The following TRDN variants were observed in gnomAD, a reference collection of about 807,000 sequenced individuals.
TRDN encodes triadin in skeletal muscle.
A neutral mutation model predicts 149.7 loss-of-function variants in TRDN; 161 were observed. The ratio of observed to expected loss-of-function variants is 1.08; its 90% CI spans 0.95 to 1.23. The LOEUF (loss-of-function observed/expected upper bound fraction) is 1.23, where lower values mean the gene tolerates loss of function less well. TRDN is among the 50% of genes most tolerant of loss of function. TRDN has a pLI of 0.00. For synonymous variants in TRDN, 294 were observed against 250.5 expected, an observed-to-expected ratio of 1.17 and a Z score of -1.64; for missense variants, 896 against 823.5, an observed-to-expected ratio of 1.09 and a Z score of -1.08.
At chr6:123,487,956 A>G (rs552050131) in intron 9 of TRDN, among the ~76,000 whole-genome samples, 1 of 152,130 alleles carries the variant, frequency 6.6e-6, no homozygotes, top group South Asian at 2.1e-4. Context: ...CTAATGCCTA[A>G]GTCTAAACTT....
intron 12 of TRDN, among the ~76,000 whole-genome samples, chr6:123,417,797 C>T (rs1319979772): frequency 6.6e-6 from 1 of 152,166 alleles, no homozygotes; most frequent in East Asian, 1.9e-4. Flanking sequence ...TTTCTCATAT[C>T]ACAGTATTTG....
chr6:123,579,157 G>A (rs1782999055), intron 1 of TRDN, among the ~76,000 whole-genome samples: 1 of 151,756 alleles, frequency 6.6e-6, no homozygotes, highest in Admixed American at 6.6e-5. Context: ...CTCTTGCCTG[G>A]ACAGGATTAC....
At chr6:123,259,938 C>CTCCTCT (rs1776704799) in intron 34 of TRDN, among the ~76,000 whole-genome samples, 2 of 151,392 alleles carry the variant, frequency 1.3e-5, no homozygotes. Flanking sequence ...TTTTTTCCTC[C>CTCCTCT]TCCTCTTCCT....
intron 26 of TRDN, among the ~76,000 whole-genome samples, chr6:123,276,583 G>T (rs1777375872): frequency 6.6e-6 from 1 of 152,122 alleles, no homozygotes; most frequent in African/African-American, 2.4e-5. Context: ...GTGTGCCATG[G>T]AGATAGAGCC....
At chr6:123,356,495 C>T in intron 20 of TRDN, among the ~76,000 whole-genome samples, 1 of 124,234 alleles carries the variant, frequency 8.0e-6, no homozygotes, top group Non-Finnish European at 1.7e-5. Flanking sequence ...TCTAGGTTTA[C>T]AAGAAGTTTA....
At chr6:123,503,296 C>T (rs1441280023) in intron 8 of TRDN, 1 of 985,296 alleles carries the variant, frequency 1.0e-6, no homozygotes, top group African/African-American at 1.7e-5. Flanking sequence ...ATGATATTTA[C>T]TCTATATGAT....
chr6:123,258,496 T>C (rs934643301), intron 35 of TRDN, among the ~76,000 whole-genome samples: 1 of 152,174 alleles, frequency 6.6e-6, no homozygotes, highest in Admixed American at 6.6e-5. Context: ...GACTTGATTG[T>C]GGTGGATAAG....
In TRDN at chr6:123,260,179, T is replaced by TA. The variant is rs1186274613; in HGVS notation, c.1831+432dup. 1.3e-4 allele frequency among the ~76,000 whole-genome samples: 20 copies of TA among 151,626 alleles called. No homozygotes were observed. The Admixed American group carries it at 1.3e-3, about 10-fold the overall frequency. On this transcript the variant is annotated intron_variant, in intron 34 of 40. Coordinates refer to ENST00000334268, the MANE Select transcript of TRDN (RefSeq NM_006073.4). Reference sequence around the variant, plus strand: ...GTTAACAAGTTTAAACTAGAAACAATAGGAAAAAAAACTACATGTTACATT... The same window carrying TA: ...GTTAACAAGTTTAAACTAGAAACAATAAGGAAAAAAAACTACATGTTACATT...
chr6:123,422,262 A>T (rs886393092), intron 12 of TRDN, among the ~76,000 whole-genome samples: 4 of 152,050 alleles, frequency 2.6e-5, no homozygotes, highest in African/African-American at 9.7e-5. Context: ...CACACATCTA[A>T]CATGTTACCC....
At chr6:123,498,684 T>G (rs1310115214) in intron 8 of TRDN, 1 of 457,624 alleles carries the variant, frequency 2.2e-6, no homozygotes. Context: ...GTAGAAGGTA[T>G]TTTCTCTTTT....
intron 9 of TRDN, chr6:123,469,722 AC>A (rs1360272654): frequency 6.5e-6 from 1 of 154,048 alleles, no homozygotes; most frequent in Non-Finnish European, 1.4e-5. Context: ...AAAAACAAAG[AC>A]AGAGCCAGTG....
chr6:123,547,342 T>G lies in TRDN; in HGVS notation c.422A>C (p.Lys141Thr). 8 of 1,461,826 alleles carry G rather than the reference T, an allele frequency of 5.5e-6. No individual in the cohort carries two copies. The highest frequency in any genetic ancestry group is 7.3e-6 in the Non-Finnish European group (8 of 1,100,810). 90.6% of individuals were successfully genotyped at this position (1,461,826 alleles called of 1,614,324 possible). The change falls in exon 4 of 41, where the codon AAA becomes ACA. Residue 141 changes from lysine (K) to threonine (T), a missense_variant and splice_region_variant. Transcript: ENST00000334268. ...GEIDEPPLRKKEIHKDKTEKQ... is the reference protein window; with the variant it reads ...GEIDEPPLRKTEIHKDKTEKQ... Reference sequence around the variant, plus strand: ...TATCAAAGGTGAAAACAACTAACCTTTTTTTCTCAAGGGAGGCTCATCTAT... The same window carrying G: ...TATCAAAGGTGAAAACAACTAACCTGTTTTTCTCAAGGGAGGCTCATCTAT...
intron 38 of TRDN, among the ~76,000 whole-genome samples, chr6:123,244,688 A>G (rs1183019628): frequency 1.3e-5 from 2 of 152,108 alleles, no homozygotes; most frequent in Non-Finnish European, 2.9e-5. Flanking sequence ...ATTATCCAGG[A>G]GAACTTCCCC....
chr6:123,447,909 CGA>C (rs1389791766), intron 10 of TRDN, among the ~76,000 whole-genome samples: 2 of 152,102 alleles, frequency 1.3e-5, no homozygotes, highest in African/African-American at 2.4e-5. Context: ...CCTCAAATAC[CGA>C]GAGTGCCCCA....
At chr6:123,280,381 C>G (rs984422712) in intron 24 of TRDN, among the ~76,000 whole-genome samples, 1 of 152,088 alleles carries the variant, frequency 6.6e-6, no homozygotes, top group Non-Finnish European at 1.5e-5. Flanking sequence ...CAACTTTGTT[C>G]TTTGTCTTCG....
chr6:123,570,458 T>C (rs996826436), intron 2 of TRDN, among the ~76,000 whole-genome samples: 49 of 152,044 alleles, frequency 3.2e-4, no homozygotes, highest in African/African-American at 1.1e-3. Flanking sequence ...AAGCAAAGAG[T>C]TTGTCTGGCA....
chr6:123,468,208 A>C (rs1776946514), intron 9 of TRDN, among the ~76,000 whole-genome samples: 2 of 152,198 alleles, frequency 1.3e-5, no homozygotes, highest in African/African-American at 4.8e-5. Flanking sequence ...GAGGCTTATA[A>C]TTTTATTAGG....
intron 7 of TRDN, among the ~76,000 whole-genome samples, chr6:123,511,994 T>TTA (rs1181863439): frequency 6.6e-6 from 1 of 151,380 alleles, no homozygotes; most frequent in Admixed American, 6.6e-5. Context: ...CTGCAATTTT[T>TTA]TTTTTTTTTT....
rs1562267979 is a variant in TRDN at position 123,337,664 on chromosome 6, T to A, written c.1375A>T (p.Arg459Ter). Residue 459 changes from arginine (R) to a stop codon, truncating the protein, a stop_gained, in exon 22 of 41, where the codon AGA (arginine) becomes TGA (stop). Transcript: ENST00000334268. LOFTEE classifies it high-confidence loss of function. ...GAAGTCTTCCCAGATTTTTCTTTTC[T>A]AATTTCTGCAAGAGAGATCATGGGA... ...KTTKTVEQEI[R>*]KEKSGKTSSI... The A allele has an allele frequency of 6.8e-7, 1 of 1,460,306 alleles. No individual in the cohort carries two copies. Among genetic ancestry groups the A allele is most frequent in the Non-Finnish European group, 9.2e-7 (1 of 1,089,436 alleles). 90.5% of individuals were successfully genotyped at this position (1,460,306 alleles called of 1,614,324 possible). A position where few individuals can be genotyped will look rare whatever the true frequency, so the allele number is the denominator to read the frequency against.
Sources: gnomAD v4.1 joint callset for allele counts (sites outside exome capture counted in the v4.1 genomes callset) on GRCh38, gnomAD v4.1.1 for gene constraint, MANE v1.5 for transcripts, NCBI Gene and HGNC (gene_info 2026-07-23, HGNC 2026-07-21) for gene names.